RIT2: variants seen among roughly 807,000 people sequenced by gnomAD.
RIT2 encodes GTP-binding protein Rit2.
In RIT2, 24 loss-of-function variants were observed where a neutral mutation model predicts 23.7. The observed-to-expected ratio is 1.01, with a 90% CI of 0.73 to 1.43. RIT2 has a LOEUF of 1.43. Ranked by LOEUF, RIT2 falls within the 40% of genes most tolerant of loss-of-function variation. The pLI is 0.00. For synonymous variants in RIT2, 107 were observed against 91.1 expected, an observed-to-expected ratio of 1.17 and a Z score of -0.99; for missense variants, 236 against 266.9, an observed-to-expected ratio of 0.88 and a Z score of 0.81.
At chr18:43,059,878 T>C (rs2144321018) in intron 1 of RIT2, among the ~76,000 whole-genome samples, 1 of 152,238 alleles carries the variant, frequency 6.6e-6, no homozygotes, top group African/African-American at 2.4e-5. Context: ...TCTGGACAAC[T>C]CTTGATTTTA....
At chr18:42,749,877 T>A (rs1205810602) in intron 4 of RIT2, among the ~76,000 whole-genome samples, 1 of 151,830 alleles carries the variant, frequency 6.6e-6, no homozygotes, top group Non-Finnish European at 1.5e-5. Flanking sequence ...TATGTGTAGA[T>A]GTATGCAACA....
At chr18:42,826,294 C>T (rs1015936101) in intron 4 of RIT2, among the ~76,000 whole-genome samples, 19 of 151,998 alleles carry the variant, frequency 1.3e-4, no homozygotes, top group African/African-American at 4.6e-4. Context: ...TTTCCCAAGA[C>T]CATTCACGTA....
chr18:42,827,648 C>T (rs927231847), intron 4 of RIT2, among the ~76,000 whole-genome samples: 6 of 151,878 alleles, frequency 4.0e-5, no homozygotes, highest in African/African-American at 1.5e-4. Context: ...TATGTATAGG[C>T]AATTCAAATA....
chr18:43,059,752 TGTG>T (rs1912598765), intron 1 of RIT2, among the ~76,000 whole-genome samples: 1 of 151,304 alleles, frequency 6.6e-6, no homozygotes, highest in South Asian at 2.1e-4. Flanking sequence ...GTGACTTTCT[TGTG>T]GGGATGAGAA....
At chr18:42,996,641 C>T (rs1029581135) in intron 2 of RIT2, among the ~76,000 whole-genome samples, 1 of 151,980 alleles carries the variant, frequency 6.6e-6, no homozygotes, top group Admixed American at 6.6e-5. Flanking sequence ...GAACAACCCC[C>T]CTTTGAGTGT....
chr18:43,089,648 G>A (rs1913373736), intron 1 of RIT2, among the ~76,000 whole-genome samples: 6 of 151,812 alleles, frequency 4.0e-5, no homozygotes, highest in Admixed American at 3.3e-4. Flanking sequence ...ATATTACAGG[G>A]CTACAGTAAC....
At chr18:43,013,030 A>G (rs1033201821) in intron 2 of RIT2, among the ~76,000 whole-genome samples, 9 of 151,858 alleles carry the variant, frequency 5.9e-5, no homozygotes, top group African/African-American at 2.2e-4. Flanking sequence ...TTTGTGTCTC[A>G]GATGCTCTTC....
At chr18:42,808,416 T>A (rs1438601804) in intron 4 of RIT2, among the ~76,000 whole-genome samples, 2 of 152,156 alleles carry the variant, frequency 1.3e-5, no homozygotes, top group Admixed American at 6.5e-5. Flanking sequence ...GAGATTTTAT[T>A]CCCCCATCCT....
At chr18:43,051,421 G>A (rs1232331170) in intron 1 of RIT2, among the ~76,000 whole-genome samples, 1 of 151,984 alleles carries the variant, frequency 6.6e-6, no homozygotes, top group Non-Finnish European at 1.5e-5. Flanking sequence ...TTTTTTCTGG[G>A]TGGATGGGAT....
rs146577486 is a variant in RIT2, at chr18:42,947,914, C to A, written c.235-24151G>T. ...CTATTACTTTAAGATATATTTTATC[C>A]TTTACCTAAAGATATGAACTAAAAA... is the stretch of plus-strand genomic sequence containing the variant. On this transcript the variant is annotated intron_variant, in intron 3 of 4. Transcript: ENST00000326695. 4.0e-3 allele frequency among the ~76,000 whole-genome samples: 602 copies of A among 152,116 alleles called. 3 individuals are homozygous for A. Among genetic ancestry groups the A allele is most frequent in the African/African-American group, 0.014 (579 of 41,508 alleles).
intron 4 of RIT2, among the ~76,000 whole-genome samples, chr18:42,803,201 C>A (rs966627387): frequency 1.3e-5 from 2 of 152,194 alleles, no homozygotes; most frequent in Non-Finnish European, 2.9e-5. Flanking sequence ...ATCATTCCAA[C>A]CTATTTTTTG....
chr18:43,060,672 T>C (rs79337603), intron 1 of RIT2, among the ~76,000 whole-genome samples: 237 of 152,108 alleles, frequency 1.6e-3, no homozygotes, highest in African/African-American at 4.8e-3. Context: ...TAAAAACAAA[T>C]TGAAATGCAC....
At chr18:42,798,454 A>C (rs1299205292) in intron 4 of RIT2, among the ~76,000 whole-genome samples, 2 of 152,258 alleles carry the variant, frequency 1.3e-5, no homozygotes, top group Non-Finnish European at 2.9e-5. Context: ...AATTTACTTT[A>C]ATTCAATTTC....
chr18:42,916,559 A>G (rs924657436), intron 4 of RIT2, among the ~76,000 whole-genome samples: 1 of 152,116 alleles, frequency 6.6e-6, no homozygotes, highest in Non-Finnish European at 1.5e-5. Flanking sequence ...CAGATTAGTT[A>G]CTTTTACTTT....
At position 42,877,888 on chromosome 18, in the gene RIT2, G is replaced by A. The variant is rs150654454; in HGVS notation, c.426+45684C>T. Among the ~76,000 whole-genome samples, 811 of 151,506 alleles carry A rather than the reference G, an allele frequency of 5.4e-3. 8 individuals carry two copies. The highest frequency in any genetic ancestry group is 0.037 in the Middle Eastern group (11 of 294). ...ATAAATTTTGGAAATGTATATTCAG[G>A]GCAACCTAAATCTATGTCTCTTGAG... On this transcript the variant is annotated intron_variant, in intron 4 of 4. Transcript: ENST00000326695.
At chr18:43,055,691 A>G (rs906504168) in intron 1 of RIT2, among the ~76,000 whole-genome samples, 1 of 152,170 alleles carries the variant, frequency 6.6e-6, no homozygotes, top group East Asian at 1.9e-4. Flanking sequence ...GATAAAATCC[A>G]CAGGTGTAAC....
At chr18:42,824,130 G>A (rs1568005619) in intron 4 of RIT2, among the ~76,000 whole-genome samples, 3 of 152,084 alleles carry the variant, frequency 2.0e-5, no homozygotes, top group Non-Finnish European at 4.4e-5. Flanking sequence ...GGTTCTAGAT[G>A]CATGAGTTTA....
Position 42,890,268 on chromosome 18 carries a change from C to T in RIT2, c.426+33304G>A, listed in dbSNP as rs548148128. ...TATTTGGACTATTCCCTATCATCAT[C>T]CTATTATAAAAAAAAATTCCAAACA... On this transcript the variant is annotated intron_variant, in intron 4 of 4. Coordinates refer to ENST00000326695, the MANE Select transcript of RIT2 (RefSeq NM_002930.4). 1.6e-4 allele frequency among the ~76,000 whole-genome samples: 25 copies of T among 151,894 alleles called. No homozygotes were observed. In the South Asian group the frequency reaches 4.2e-3, roughly 25 times the overall value.
intron 2 of RIT2, among the ~76,000 whole-genome samples, chr18:43,019,887 C>G: frequency 6.6e-6 from 1 of 150,538 alleles, no homozygotes; most frequent in African/African-American, 2.4e-5. Context: ...TTCTATACAC[C>G]AATAATGAAC....
Sources: allele counts gnomAD v4.1 joint callset (sites outside exome capture counted in the v4.1 genomes callset), GRCh38; gene constraint gnomAD v4.1.1; transcripts MANE v1.5; gene names NCBI Gene and HGNC (gene_info 2026-07-23, HGNC 2026-07-21).